The following KALRN variants were observed in gnomAD, a reference collection of about 807,000 sequenced individuals.
KALRN encodes kalirin RhoGEF kinase, also known as kalirin.
KALRN carries 70 observed loss-of-function variants against 353.7 expected under a neutral mutation model. The observed-to-expected ratio is 0.20, with a 90% CI of 0.16 to 0.24. The LOEUF (loss-of-function observed/expected upper bound fraction) is 0.24. Among genes scored for constraint, KALRN ranks in the 10% least tolerant of loss-of-function variants. The pLI, the probability that KALRN is intolerant of heterozygous loss-of-function variation, is 1.00. For missense variants in KALRN, 2,791 were observed against 3,756.7 expected, an observed-to-expected ratio of 0.74 and a Z score of 6.72; for synonymous variants, 1,391 against 1,434.8, an observed-to-expected ratio of 0.97 and a Z score of 0.69.
chr3:124,669,803 C>T (rs2086156669), intron 47 of KALRN, among the ~76,000 whole-genome samples: 1 of 152,056 alleles, frequency 6.6e-6, no homozygotes, highest in South Asian at 2.1e-4. Context: ...TGTACATCAT[C>T]CTGTACTTTA....
Position 124,434,384 on chromosome 3 carries a change from C to T in KALRN, c.2907C>T (p.Leu969=). 1 of 1,614,040 alleles carries T rather than the reference C, an allele frequency of 6.2e-7. No homozygotes were observed. The highest frequency in any genetic ancestry group is 2.2e-5 in the East Asian group (1 of 44,868). ...LQVQQKAEVL[L]QAGHYDADAI... is the part of the protein sequence containing the mutation. ...TACAGCAGAAAGCCGAGGTGCTGCT[C>T]CAGGCCGGCCACTACGATGCCGATG... Residue 969 remains leucine (L), a synonymous_variant, in exon 17 of 60, where the codon CTC becomes CTT. Transcript: ENST00000682506.
chr3:124,309,745 A>G (rs2078065306), intron 6 of KALRN, among the ~76,000 whole-genome samples: 1 of 152,192 alleles, frequency 6.6e-6, no homozygotes, highest in South Asian at 2.1e-4. Flanking sequence ...CCTATTCATA[A>G]TAAAAATACT....
chr3:124,268,833 G>A lies in KALRN; in HGVS notation c.547G>A (p.Glu183Lys), dbSNP rs1257842203. The A allele has an allele frequency of 6.2e-7, 1 of 1,614,166 alleles. No homozygotes were observed. ...TGATGGCTCCCTGGACTACAACCATGAGGAGTGGATCGAACTGCGGCTCTC... is the reference window on the plus strand; with the variant it reads ...TGATGGCTCCCTGGACTACAACCATAAGGAGTGGATCGAACTGCGGCTCTC... ...EFDGSLDYNH[E>K]EWIELRLSLE... The change falls in exon 5 of 60, where the codon GAG becomes AAG. Residue 183 changes from glutamate (E) to lysine (K), a missense_variant. Around this residue, in one of 11 missense-constraint regions of KALRN, gnomAD observed 366 missense variants for 489.2 expected, o/e 0.75. Transcript: ENST00000682506.
intron 58 of KALRN, among the ~76,000 whole-genome samples, chr3:124,713,894 A>G (rs1393039015): frequency 6.6e-6 from 1 of 152,174 alleles, no homozygotes; most frequent in African/African-American, 2.4e-5. Flanking sequence ...ACCCCTTTTC[A>G]GTAGAGAAGT....
chr3:124,392,912 T>C (rs995168163), intron 11 of KALRN, among the ~76,000 whole-genome samples: 2 of 150,976 alleles, frequency 1.3e-5, no homozygotes, highest in African/African-American at 4.9e-5. Context: ...GCATTAGGTA[T>C]ATCTCCCAAT....
Position 124,658,440 on chromosome 3 carries a change from C to T in KALRN, c.6046C>T (p.Leu2016=). The change falls in exon 42 of 60, where the codon CTG becomes TTG. Residue 2016 remains leucine, a synonymous_variant. Transcript: ENST00000682506. ...CTCTCTGCTCTTTCAGGAGCGGAAGCTGCACATCTACGTGTGGTATTGTCA... is the reference window on the plus strand; with the variant it reads ...CTCTCTGCTCTTTCAGGAGCGGAAGTTGCACATCTACGTGTGGTATTGTCA... ...AQLFIKHERK[L]HIYVWYCQNK... 4 of 1,613,052 alleles carry T rather than the reference C, an allele frequency of 2.5e-6. No individual in the cohort carries two copies. Among genetic ancestry groups the T allele is most frequent in the Non-Finnish European group, 3.4e-6 (4 of 1,178,982 alleles).
At chr3:124,077,866 G>C (rs1391666543) in intron 1 of KALRN, among the ~76,000 whole-genome samples, 2 of 152,218 alleles carry the variant, frequency 1.3e-5, no homozygotes, top group African/African-American at 4.8e-5. Context: ...GCTGGCCTGG[G>C]TGTGCATCCC....
At chr3:124,142,110 A>G (rs7616880) in intron 1 of KALRN, among the ~76,000 whole-genome samples, 2 of 152,234 alleles carry the variant, frequency 1.3e-5, no homozygotes, top group East Asian at 3.9e-4. Flanking sequence ...GCCCTTCCCA[A>G]GTACCCCAGG....
chr3:124,710,596 C>T (rs1269215590), intron 57 of KALRN, among the ~76,000 whole-genome samples: 10 of 152,036 alleles, frequency 6.6e-5, no homozygotes, highest in Non-Finnish European at 1.3e-4. Context: ...AGACCAGCCT[C>T]GGCAATATGG....
At chr3:124,452,300 C>G (rs1425342188) in intron 21 of KALRN, among the ~76,000 whole-genome samples, 1 of 152,232 alleles carries the variant, frequency 6.6e-6, no homozygotes, top group Non-Finnish European at 1.5e-5. Context: ...TTACTCACCT[C>G]CAAACACAAG....
chr3:124,043,690 G>A (rs1193571959), intron 1 of KALRN, among the ~76,000 whole-genome samples: 2 of 152,120 alleles, frequency 1.3e-5, no homozygotes, highest in African/African-American at 2.4e-5. Context: ...AAATGGGTGG[G>A]CTGAGCTGTT....
chr3:124,174,729 A>G (rs2072413953), intron 1 of KALRN, among the ~76,000 whole-genome samples: 1 of 152,206 alleles, frequency 6.6e-6, no homozygotes, highest in South Asian at 2.1e-4. Context: ...CCTACAGAGC[A>G]GGACTGTCCA....
At chr3:124,435,276 C>G (rs1389538296) in intron 17 of KALRN, among the ~76,000 whole-genome samples, 1 of 152,144 alleles carries the variant, frequency 6.6e-6, no homozygotes, top group African/African-American at 2.4e-5. Context: ...TCCTTGGGCC[C>G]CCAGTCTAAT....
rs549569871 is a variant in KALRN at position 124,351,339 on chromosome 3, G to A, written c.1770+4074G>A. 2.0e-5 allele frequency among the ~76,000 whole-genome samples: 3 copies of A among 152,264 alleles called. 1 individual carries two copies. The East Asian group carries it at 5.8e-4, about 29-fold the overall frequency. On this transcript the variant is annotated intron_variant, in intron 10 of 59. Coordinates refer to ENST00000682506, the MANE Select transcript of KALRN (RefSeq NM_001388419.1). ...TATATATGCTGTGGGGTAGGAGCCT[G>A]GGGTAACTTATAAGCAATACTCTAA...
At chr3:124,705,822 C>CCCTT (rs373858046) in intron 57 of KALRN, among the ~76,000 whole-genome samples, 25,965 of 144,630 alleles carry the variant, frequency 0.18, 2,563 homozygotes, top group Middle Eastern at 0.26. Context: ...CTTCCTTCCT[C>CCCTT]CCTTCCTTCC....
intron 50 of KALRN, 79 bp downstream of exon 50, chr3:124,678,392 T>G: frequency 6.6e-7 from 1 of 1,507,332 alleles, no homozygotes; most frequent in South Asian, 1.3e-5. Flanking sequence ...CCAATTTGGG[T>G]GGATGGGTTA....
intron 1 of KALRN, among the ~76,000 whole-genome samples, chr3:124,221,002 T>C (rs890794695): frequency 2.0e-5 from 3 of 152,234 alleles, no homozygotes; most frequent in Non-Finnish European, 4.4e-5. Flanking sequence ...TGCCCCTTGC[T>C]GTATGTAGCA....
chr3:124,550,742 C>A (rs991205250), intron 33 of KALRN, among the ~76,000 whole-genome samples: 33 of 152,108 alleles, frequency 2.2e-4, no homozygotes, highest in African/African-American at 8.0e-4. Flanking sequence ...GTAATCCCAG[C>A]ACTTTGGGAG....
intron 13 of KALRN, among the ~76,000 whole-genome samples, chr3:124,411,433 C>CTTTTTTTGTTTTTTTTTTTT (rs2092142621): frequency 1.9e-5 from 1 of 51,480 alleles, no homozygotes; most frequent in Non-Finnish European, 3.8e-5. Context: ...TTAAATTATG[C>CTTTTTTTGTTTTTTTTTTTT]TTTTTTTTTT....
Sources: gnomAD v4.1 joint callset for allele counts (sites outside exome capture counted in the v4.1 genomes callset) on GRCh38, gnomAD v4.1.1 for gene constraint, gnomAD v4.1.1 regional missense constraint, MANE v1.5 for transcripts, NCBI Gene and HGNC (gene_info 2026-07-23, HGNC 2026-07-21) for gene names.